CAB39: variants seen among roughly 807,000 people sequenced by gnomAD.
The protein encoded by CAB39 is calcium binding protein 39, also known as calcium-binding protein 39.
A neutral mutation model predicts 40.0 loss-of-function variants in CAB39; 8 were observed. The observed-to-expected ratio is 0.20, with a 90% confidence interval of 0.12 to 0.36. CAB39 has a LOEUF of 0.36. Among genes scored for constraint, CAB39 ranks in the 10% least tolerant of loss-of-function variants. The probability of loss-of-function intolerance (pLI) is 1.00; values close to 1 mark genes in which losing one functional copy is unlikely to be tolerated. For missense variants in CAB39, 270 were observed against 401.1 expected, an observed-to-expected ratio of 0.67 and a Z score of 2.79; for synonymous variants, 156 against 141.6, an observed-to-expected ratio of 1.10 and a Z score of -0.72.
At chr2:230,818,025 A>T (rs972894706) in intron 8 of CAB39, 128 bp downstream of exon 8, 5 of 823,416 alleles carry the variant, frequency 6.1e-6, no homozygotes, top group African/African-American at 1.8e-5. Context: ...GTCACTTTTC[A>T]TATTTGTGTG....
At chr2:230,731,542 C>G (rs930352825) in intron 1 of CAB39, among the ~76,000 whole-genome samples, 1 of 152,176 alleles carries the variant, frequency 6.6e-6, no homozygotes, top group Non-Finnish European at 1.5e-5. Context: ...CTCACTGTCA[C>G]CGAGGCTGTG....
chr2:230,754,307 T>C (rs1042560409), intron 1 of CAB39, among the ~76,000 whole-genome samples: 10 of 143,250 alleles, frequency 7.0e-5, no homozygotes, highest in Admixed American at 2.1e-4. Flanking sequence ...CTTTCTTCTT[T>C]CTTCCTTCTT....
At chr2:230,794,009 C>A (rs945162859) in intron 4 of CAB39, among the ~76,000 whole-genome samples, 3 of 152,240 alleles carry the variant, frequency 2.0e-5, no homozygotes, top group Admixed American at 6.5e-5. Context: ...TAACCTCCTG[C>A]TGTTTCACAC....
At chr2:230,724,529 A>G (rs891556397) in intron 1 of CAB39, among the ~76,000 whole-genome samples, 1 of 151,766 alleles carries the variant, frequency 6.6e-6, no homozygotes, top group East Asian at 2.0e-4. Flanking sequence ...TAAAAATACA[A>G]AATTAGCCGG....
intron 2 of CAB39, among the ~76,000 whole-genome samples, chr2:230,783,413 C>T (rs374326399): frequency 2.0e-5 from 3 of 148,506 alleles, no homozygotes; most frequent in East Asian, 2.0e-4. Context: ...TTTCGTTGCC[C>T]GTTCTTAGAG....
At chr2:230,797,718 A>G (rs1346946967) in intron 4 of CAB39, among the ~76,000 whole-genome samples, 2 of 152,180 alleles carry the variant, frequency 1.3e-5, no homozygotes, top group Non-Finnish European at 2.9e-5. Context: ...GGCTGTAGGC[A>G]ACAGGTGAAG....
At chr2:230,715,269 T>G (rs1694328301) in intron 1 of CAB39, among the ~76,000 whole-genome samples, 1 of 152,240 alleles carries the variant, frequency 6.6e-6, no homozygotes, top group Non-Finnish European at 1.5e-5. Flanking sequence ...TGAAATGCAG[T>G]AGTTAGGCTT....
At chr2:230,792,679 T>TC (rs1695912188) in intron 3 of CAB39, among the ~76,000 whole-genome samples, 1 of 152,220 alleles carries the variant, frequency 6.6e-6, no homozygotes, top group Non-Finnish European at 1.5e-5. Context: ...CTATATAAAG[T>TC]CTTCCCTAAA....
chr2:230,750,499 T>C (rs1216754048), intron 1 of CAB39, among the ~76,000 whole-genome samples: 13 of 152,338 alleles, frequency 8.5e-5, no homozygotes, highest in South Asian at 2.1e-4. Context: ...CTTTATAAAT[T>C]ACCCCAAATT....
intron 1 of CAB39, among the ~76,000 whole-genome samples, chr2:230,731,960 T>A (rs1236745891): frequency 2.6e-5 from 4 of 152,254 alleles, no homozygotes; most frequent in Non-Finnish European, 4.4e-5. Flanking sequence ...GCACTGATTT[T>A]ATTGGTACAC....
intron 1 of CAB39, among the ~76,000 whole-genome samples, chr2:230,753,617 C>T (rs1370344655): frequency 4.6e-5 from 7 of 151,964 alleles, no homozygotes; most frequent in Non-Finnish European, 7.4e-5. Flanking sequence ...CATGGTGGTA[C>T]GTGCCTCTAG....
chr2:230,732,265 G>A (rs572598528), intron 1 of CAB39, among the ~76,000 whole-genome samples: 1 of 152,148 alleles, frequency 6.6e-6, no homozygotes, highest in South Asian at 2.1e-4. Context: ...GTATTTTTTA[G>A]TGGAGACGGT....
chr2:230,811,593 G>T (rs976501546), intron 6 of CAB39, among the ~76,000 whole-genome samples: 6 of 152,270 alleles, frequency 3.9e-5, no homozygotes, highest in South Asian at 2.1e-4. Flanking sequence ...ACCATGGGCT[G>T]GTAGGACTTC....
At chr2:230,799,951 A>G (rs1340370013) in intron 5 of CAB39, among the ~76,000 whole-genome samples, 2 of 151,532 alleles carry the variant, frequency 1.3e-5, no homozygotes, top group Non-Finnish European at 2.9e-5. Context: ...GAATCACACC[A>G]TTGCACTCCA....
At chr2:230,785,923 G>A (rs972658024) in intron 2 of CAB39, among the ~76,000 whole-genome samples, 1 of 150,914 alleles carries the variant, frequency 6.6e-6, no homozygotes, top group Admixed American at 6.6e-5. Flanking sequence ...CCAGCACTTT[G>A]GGAGGCCGAG....
intron 1 of CAB39, among the ~76,000 whole-genome samples, chr2:230,749,572 A>G (rs1695049955): frequency 6.6e-6 from 1 of 152,204 alleles, no homozygotes; most frequent in African/African-American, 2.4e-5. Context: ...ATAGATAAAG[A>G]TGGGATTATA....
chr2:230,798,958 A>G lies in CAB39; in HGVS notation c.567+61A>G. 3 of 1,270,600 alleles carry G rather than the reference A, an allele frequency of 2.4e-6. No individual in the cohort carries two copies. In the Admixed American group the frequency reaches 7.1e-5, roughly 30 times the overall value. 78.7% of individuals were successfully genotyped at this position (1,270,600 alleles called of 1,614,324 possible). A position where few individuals can be genotyped will look rare whatever the true frequency, so the allele number is the denominator to read the frequency against. ...AGTCAGAGGTGTGCTGTTTTTCTAA[A>G]CCTTCATTGCCCTCCTAAATCTACA... is the stretch of plus-strand genomic sequence containing the variant. On this transcript the variant is annotated intron_variant, in intron 5 of 8. Transcript: ENST00000258418.
intron 2 of CAB39, among the ~76,000 whole-genome samples, chr2:230,786,089 G>A (rs1281404110): frequency 6.1e-5 from 9 of 148,246 alleles, no homozygotes; most frequent in East Asian, 2.0e-4. Context: ...GCATGAACCC[G>A]GGAGGTGGAA....
chr2:230,789,699 C>T (rs936496957), intron 2 of CAB39, among the ~76,000 whole-genome samples: 1 of 152,174 alleles, frequency 6.6e-6, no homozygotes, highest in African/African-American at 2.4e-5. Flanking sequence ...AGGTCTCTGC[C>T]ATGCTCTTTC....
Sources: allele counts gnomAD v4.1 joint callset (sites outside exome capture counted in the v4.1 genomes callset), GRCh38; gene constraint gnomAD v4.1.1; transcripts MANE v1.5; gene names NCBI Gene and HGNC (gene_info 2026-07-23, HGNC 2026-07-21).